ZBTB7C: variants seen among roughly 807,000 people sequenced by gnomAD.
ZBTB7C encodes zinc finger and BTB domain containing 7C.
Under a neutral mutation model 25.7 loss-of-function variants are expected in ZBTB7C, and 8 were observed. That is an observed-to-expected ratio of 0.31 (90% CI 0.18 to 0.56). ZBTB7C has a LOEUF of 0.56. ZBTB7C is among the 20% of genes least tolerant of loss of function. The pLI is 0.91. For synonymous variants in ZBTB7C, 394 were observed against 369.0 expected (o/e 1.07, Z -0.78); for missense variants, 824 against 855.2 (o/e 0.96, Z 0.46).
Position 48,169,689 on chromosome 18 carries a change from C to T in ZBTB7C, c.-17+16245G>A, listed in dbSNP as rs145276560. 5 of 152,468 alleles carry T rather than the reference C, an allele frequency of 3.3e-5. No homozygotes were observed. In the East Asian group the frequency reaches 9.7e-4, roughly 29 times the overall value. 9.4% of individuals were successfully genotyped at this position (152,468 alleles called of 1,614,324 possible). A position where few individuals can be genotyped will look rare whatever the true frequency, so the allele number is the denominator to read the frequency against. On this transcript the variant is annotated intron_variant, in intron 3 of 4. Coordinates refer to ENST00000590800, the MANE Select transcript of ZBTB7C (RefSeq NM_001318841.2). ...CCAAGCATACTGGCTCATGAAGTCT[C>T]GTGTTTTCCAGGGAAAGTCCCATTT...
intron 2 of ZBTB7C, among the ~76,000 whole-genome samples, chr18:48,282,005 T>C (rs1418118343): frequency 2.0e-5 from 3 of 146,750 alleles, no homozygotes; most frequent in Admixed American, 2.0e-4. Context: ...TAAAGACACA[T>C]GCACACGTAT....
rs1398039264 is a variant in ZBTB7C, at chr18:48,154,713, A to G, written c.-17+31221T>C. ...CTGTGTTCTTCACTAGCCATTTTATAGTGAGCATCATCCCATAATGCACTC... is the reference window on the plus strand; with the variant it reads ...CTGTGTTCTTCACTAGCCATTTTATGGTGAGCATCATCCCATAATGCACTC... On this transcript the variant is annotated intron_variant, in intron 3 of 4. Coordinates refer to ENST00000590800, the MANE Select transcript of ZBTB7C (RefSeq NM_001318841.2). 2.0e-5 allele frequency among the ~76,000 whole-genome samples: 3 copies of G among 152,226 alleles called. No homozygotes were observed. The East Asian group carries it at 5.8e-4, about 29-fold the overall frequency.
chr18:48,164,836 A>T (rs1029300735), intron 3 of ZBTB7C, among the ~76,000 whole-genome samples: 52 of 152,126 alleles, frequency 3.4e-4, no homozygotes, highest in African/African-American at 1.2e-3. Flanking sequence ...ATGACTTTAG[A>T]CATATTAACT....
intron 2 of ZBTB7C, among the ~76,000 whole-genome samples, chr18:48,290,133 C>T (rs1028677695): frequency 5.3e-5 from 8 of 152,208 alleles, no homozygotes; most frequent in African/African-American, 1.4e-4. Context: ...CTCGTACACG[C>T]TCAATAAATG....
intron 2 of ZBTB7C, among the ~76,000 whole-genome samples, chr18:48,239,999 GAAAT>G (rs1290374375): frequency 5.9e-5 from 9 of 151,882 alleles, no homozygotes; most frequent in Admixed American, 5.9e-4. Context: ...AATCTCCAGA[GAAAT>G]AGATAGCATA....
Position 48,367,676 on chromosome 18 carries a change from C to T in ZBTB7C, c.-303-29278G>A, listed in dbSNP as rs9954825. ...CAGGAAACACTGCGGCCCACCCTCC[C>T]CATGTCAGCAAAGGCCACATGGGGA... On this transcript the variant is annotated intron_variant, in intron 1 of 4. Coordinates refer to ENST00000590800, the MANE Select transcript of ZBTB7C (RefSeq NM_001318841.2). Among the ~76,000 whole-genome samples, 552 of 152,136 alleles carry T rather than the reference C, an allele frequency of 3.6e-3. 2 individuals carry two copies. Among genetic ancestry groups the T allele is most frequent in the African/African-American group, 0.012 (478 of 41,512 alleles).
At chr18:48,036,471 T>A (rs915490403) in intron 4 of ZBTB7C, among the ~76,000 whole-genome samples, 11 of 151,914 alleles carry the variant, frequency 7.2e-5, no homozygotes, top group Admixed American at 2.0e-4. Flanking sequence ...CAGCACCCCA[T>A]GGGGTGGGGC....
At chr18:48,136,087 G>C (rs2040147205) in intron 3 of ZBTB7C, among the ~76,000 whole-genome samples, 1 of 152,162 alleles carries the variant, frequency 6.6e-6, no homozygotes, top group African/African-American at 2.4e-5. Context: ...TGGGCGGCGG[G>C]CAGGGGGGCG....
intron 3 of ZBTB7C, among the ~76,000 whole-genome samples, chr18:48,081,191 C>T (rs768467036): frequency 4.6e-5 from 7 of 152,212 alleles, no homozygotes; most frequent in Non-Finnish European, 8.8e-5. Flanking sequence ...GAGGCCATCT[C>T]TCAGTCTCCA....
intron 1 of ZBTB7C, among the ~76,000 whole-genome samples, chr18:48,399,825 A>C (rs2048118323): frequency 6.6e-6 from 1 of 152,166 alleles, no homozygotes; most frequent in African/African-American, 2.4e-5. Flanking sequence ...TGCAATGACA[A>C]CAGTGCCGCT....
intron 2 of ZBTB7C, among the ~76,000 whole-genome samples, chr18:48,210,952 A>C (rs1347989684): frequency 6.6e-6 from 1 of 152,216 alleles, no homozygotes; most frequent in African/African-American, 2.4e-5. Context: ...TACTTATAAA[A>C]TTATGCTAAT....
intron 2 of ZBTB7C, among the ~76,000 whole-genome samples, chr18:48,272,377 C>T (rs2044520249): frequency 6.6e-6 from 1 of 152,082 alleles, no homozygotes; most frequent in South Asian, 2.1e-4. Flanking sequence ...AGACTTATAC[C>T]CTTGGATCCC....
chr18:48,193,731 C>T (rs1056757028), intron 2 of ZBTB7C, among the ~76,000 whole-genome samples: 2 of 152,222 alleles, frequency 1.3e-5, no homozygotes, highest in Non-Finnish European at 2.9e-5. Flanking sequence ...CCAGGATCCA[C>T]TGAAACAAGG....
At chr18:48,145,236 A>G (rs1185006051) in intron 3 of ZBTB7C, among the ~76,000 whole-genome samples, 3 of 152,184 alleles carry the variant, frequency 2.0e-5, no homozygotes, top group African/African-American at 4.8e-5. Flanking sequence ...TTTACTGGGT[A>G]ACCTAGAACT....
At chr18:48,086,299 C>T (rs555215803) in intron 3 of ZBTB7C, among the ~76,000 whole-genome samples, 1 of 152,266 alleles carries the variant, frequency 6.6e-6, no homozygotes, top group East Asian at 1.9e-4. Context: ...ATTATCATCC[C>T]CATTTTATAG....
chr18:48,408,405 C>T (rs1035409356), intron 1 of ZBTB7C: 7 of 152,264 alleles, frequency 4.6e-5, no homozygotes, highest in Non-Finnish European at 8.8e-5. Flanking sequence ...TGGGAACAGA[C>T]CTCGCACTAC....
At chr18:48,096,603 G>C (rs1016271474) in intron 3 of ZBTB7C, among the ~76,000 whole-genome samples, 1 of 152,220 alleles carries the variant, frequency 6.6e-6, no homozygotes, top group Non-Finnish European at 1.5e-5. Flanking sequence ...TGTTGCTGGG[G>C]CAACTACTCC....
chr18:48,229,786 A>G (rs2043203554), intron 2 of ZBTB7C, among the ~76,000 whole-genome samples: 1 of 152,000 alleles, frequency 6.6e-6, no homozygotes, highest in African/African-American at 2.4e-5. Context: ...AGCCTTCCTG[A>G]CTGTCCATCT....
intron 1 of ZBTB7C, among the ~76,000 whole-genome samples, chr18:48,395,561 C>G (rs2145285994): frequency 6.6e-6 from 1 of 151,768 alleles, no homozygotes; most frequent in South Asian, 2.1e-4. Context: ...GAATGCTTTA[C>G]CACCCTGACA....
Sources: allele counts gnomAD v4.1 joint callset (sites outside exome capture counted in the v4.1 genomes callset), GRCh38; gene constraint gnomAD v4.1.1; transcripts MANE v1.5; gene names NCBI Gene and HGNC (gene_info 2026-07-23, HGNC 2026-07-21).